Variants in TRIP12 observed in about 807,000 individuals in gnomAD.
TRIP12 encodes E3 ubiquitin-protein ligase TRIP12.
A neutral mutation model predicts 244.2 loss-of-function variants in TRIP12; 25 were observed. That is an observed-to-expected ratio of 0.10 (90% CI 0.07 to 0.14). TRIP12 has a LOEUF of 0.14. Among genes scored for constraint, TRIP12 ranks in the 10% least tolerant of loss-of-function variants. The pLI, the probability that TRIP12 is intolerant of heterozygous loss-of-function variation, is 1.00. For synonymous variants in TRIP12, 905 were observed against 873.1 expected, an observed-to-expected ratio of 1.04 and a Z score of -0.64; for missense variants, 1,677 against 2,486.4, an observed-to-expected ratio of 0.67 and a Z score of 6.92.
chr2:229,904,286 C>T (rs1022057153), intron 1 of TRIP12, among the ~76,000 whole-genome samples: 79 of 151,316 alleles, frequency 5.2e-4, no homozygotes, highest in African/African-American at 1.8e-3. Flanking sequence ...GCTATGGTGG[C>T]GTGAGCCTGT....
At chr2:229,864,048 G>A (rs2061005879) in intron 2 of TRIP12, among the ~76,000 whole-genome samples, 1 of 53,086 alleles carries the variant, frequency 1.9e-5, no homozygotes, top group East Asian at 5.9e-4. Flanking sequence ...GAGAGAGAGA[G>A]TGTGTGTGTG....
In TRIP12 at chr2:229,766,699, T is replaced by C. The variant is rs2031864795; in HGVS notation, c.*855A>G. On this transcript the variant is annotated 3_prime_UTR_variant, in exon 42 of 42. Coordinates refer to ENST00000675903, the MANE Select transcript of TRIP12 (RefSeq NM_001348323.3). ...AATCCTCTGGCCACAGAATAATAAA[T>C]ACCGGCCAGCCCAAGCTGTAGACTT... The C allele has an allele frequency of 6.6e-6, 1 of 152,214 alleles. No individual in the cohort carries two copies. Among genetic ancestry groups the C allele is most frequent in the Non-Finnish European group, 1.5e-5 (1 of 68,028 alleles). 9.4% of individuals were successfully genotyped at this position (152,214 alleles called of 1,614,324 possible).
intron 14 of TRIP12, 32 bp from the exon 15 acceptor site, chr2:229,811,077 C>A (rs371519820): frequency 6.2e-7 from 1 of 1,613,478 alleles, no homozygotes; most frequent in African/African-American, 1.3e-5. Flanking sequence ...GGAATTATTA[C>A]ATCAAGATTC....
chr2:229,771,113 A>T (rs1409137578), intron 39 of TRIP12, among the ~76,000 whole-genome samples: 9 of 152,228 alleles, frequency 5.9e-5, no homozygotes, highest in Non-Finnish European at 1.3e-4. Context: ...TCAAGGACTA[A>T]CTTTGATTGT....
chr2:229,880,269 C>T (rs1481312184), intron 1 of TRIP12, 141 bp from the exon 2 acceptor site: 1 of 604,184 alleles, frequency 1.7e-6, no homozygotes, highest in Non-Finnish European at 2.9e-6. Flanking sequence ...CAATGTCTCA[C>T]TGAACTGTGA....
intron 34 of TRIP12, 102 bp from the exon 35 acceptor site, chr2:229,779,092 G>A: frequency 2.2e-6 from 2 of 910,530 alleles, no homozygotes; most frequent in Non-Finnish European, 3.5e-6. Context: ...TGTTTACCAG[G>A]ATGCATTAGA....
intron 15 of TRIP12, among the ~76,000 whole-genome samples, chr2:229,809,138 TTC>T (rs1182724574): frequency 7.9e-5 from 12 of 152,230 alleles, no homozygotes; most frequent in African/African-American, 2.7e-4. Flanking sequence ...AATCAGTAAG[TTC>T]TGTTATCAAG....
In TRIP12 at chr2:229,830,818, G is replaced by GC; in HGVS notation, c.1291dup (p.Ala431GlyfsTer11). ...CTCCCCAGAGGTGGTCATGCCAACA[G>GC]CCCCTGCAACAGAACTAGAGGCTTG... On this transcript the variant is annotated frameshift_variant, in exon 7 of 42. Coordinates refer to ENST00000675903, the MANE Select transcript of TRIP12 (RefSeq NM_001348323.3). LOFTEE classifies it high-confidence loss of function. The GC allele has an allele frequency of 6.2e-7, 1 of 1,614,166 alleles. No homozygotes were observed. The highest frequency in any genetic ancestry group is 8.5e-7 in the Non-Finnish European group (1 of 1,180,008).
chr2:229,807,586 G>A, intron 17 of TRIP12, 122 bp downstream of exon 17: 2 of 1,267,768 alleles, frequency 1.6e-6, no homozygotes, highest in East Asian at 2.3e-5. Flanking sequence ...GACAAAATGA[G>A]AGAATCTTGA....
chr2:229,864,025 AGAGAGAGAGAGAGAGAGAGAGAGTGT>A (rs1368148077), intron 2 of TRIP12, among the ~76,000 whole-genome samples: 1 of 141,092 alleles, frequency 7.1e-6, no homozygotes, highest in Non-Finnish European at 1.5e-5. Context: ...AGAGAGAGAG[AGAGAGAGAGAGAGAGAGAGAGAGTGT>A]GTGTGTGTGT....
At chr2:229,786,146 AT>A (rs2039929052) in intron 33 of TRIP12, among the ~76,000 whole-genome samples, 1 of 152,166 alleles carries the variant, frequency 6.6e-6, no homozygotes, top group African/African-American at 2.4e-5. Flanking sequence ...TCTTTGCCAA[AT>A]ATCAGTGCAA....
At chr2:229,920,491 TAC>T (rs995407570) in intron 1 of TRIP12, among the ~76,000 whole-genome samples, 12 of 152,020 alleles carry the variant, frequency 7.9e-5, no homozygotes, top group African/African-American at 2.9e-4. Context: ...GCCCAACCTT[TAC>T]ACACAAACAC....
chr2:229,904,981 A>G (rs1283592195), intron 1 of TRIP12, among the ~76,000 whole-genome samples: 1 of 152,186 alleles, frequency 6.6e-6, no homozygotes, highest in East Asian at 1.9e-4. Flanking sequence ...CCTAAAATAA[A>G]AAGTGTGTTT....
intron 11 of TRIP12, 88 bp downstream of exon 11, chr2:229,815,011 T>G: frequency 9.9e-7 from 1 of 1,007,176 alleles, no homozygotes; most frequent in Non-Finnish European, 1.5e-6. Context: ...AAATATACTT[T>G]ATTTAGAAAA....
chr2:229,894,969 C>T (rs1178078874), intron 1 of TRIP12, among the ~76,000 whole-genome samples: 1 of 152,094 alleles, frequency 6.6e-6, no homozygotes, highest in African/African-American at 2.4e-5. Context: ...CTTTAGGCCT[C>T]GGAAAATGCT....
intron 17 of TRIP12, among the ~76,000 whole-genome samples, chr2:229,806,993 G>A (rs531071755): frequency 6.6e-6 from 1 of 152,256 alleles, no homozygotes; most frequent in African/African-American, 2.4e-5. Context: ...TCCTAAGCTA[G>A]AGCAAATATT....
At chr2:229,911,646 C>A (rs1301234759) in intron 1 of TRIP12, among the ~76,000 whole-genome samples, 1 of 152,118 alleles carries the variant, frequency 6.6e-6, no homozygotes, top group Non-Finnish European at 1.5e-5. Flanking sequence ...TTACCCTGGT[C>A]TGACTACTAT....
rs1559694268 is a variant in TRIP12 at position 229,829,269 on chromosome 2, A to G, written c.1374T>C (p.Gly458=). ...GAGGACCAAATAGGTGAGGGGGAAGACCCCTTGCCTCTAACAAAGCTAAAG... is the reference window on the plus strand; with the variant it reads ...GAGGACCAAATAGGTGAGGGGGAAGGCCCCTTGCCTCTAACAAAGCTAAAG... ...GRLQALLEAR[G]LPPHLFGPLG... The change falls in exon 8 of 42, where the codon GGT becomes GGC. Residue 458 remains glycine, a synonymous_variant. Coordinates refer to ENST00000675903, the MANE Select transcript of TRIP12 (RefSeq NM_001348323.3). 6.2e-7 allele frequency: 1 copy of G among 1,612,970 alleles called. No homozygotes were observed. The highest frequency in any genetic ancestry group is 8.5e-7 in the Non-Finnish European group (1 of 1,179,594).
chr2:229,860,385 A>G, intron 3 of TRIP12, 21 bp downstream of exon 3: 1 of 1,591,744 alleles, frequency 6.3e-7, no homozygotes, highest in East Asian at 2.3e-5. Context: ...TTGAAAATGT[A>G]TAAGCAACAT....
Sources: allele counts gnomAD v4.1 joint callset (sites outside exome capture counted in the v4.1 genomes callset), GRCh38; gene constraint gnomAD v4.1.1; transcripts MANE v1.5; gene names NCBI Gene and HGNC (gene_info 2026-07-23, HGNC 2026-07-21).